The following TENM3 variants were observed in gnomAD, a reference collection of about 807,000 sequenced individuals.
The protein encoded by TENM3 is teneurin transmembrane protein 3, also known as teneurin-3.
TENM3 carries 63 observed loss-of-function variants against 255.1 expected under a neutral mutation model. That is an observed-to-expected ratio of 0.25 (90% CI 0.20 to 0.30). The LOEUF (loss-of-function observed/expected upper bound fraction) is 0.30. Among genes scored for constraint, TENM3 ranks in the 10% least tolerant of loss-of-function variants. The pLI is 1.00. For synonymous variants in TENM3, 1,306 were observed against 1,322.3 expected, an observed-to-expected ratio of 0.99 and a Z score of 0.27; for missense variants, 2,929 against 3,461.1, an observed-to-expected ratio of 0.85 and a Z score of 3.86.
At chr4:181,697,212 G>C in the TENM3 span, among the ~76,000 whole-genome samples, 1 of 152,176 alleles carries the variant, frequency 6.6e-6, no homozygotes. Flanking sequence ...TGAGAGTGGC[G>C]AGTGCCTTGG....
At chr4:181,971,028 G>A in the TENM3 span, among the ~76,000 whole-genome samples, 3 of 152,158 alleles carry the variant, frequency 2.0e-5, no homozygotes, top group Non-Finnish European at 2.9e-5. Flanking sequence ...GCTCACTGCA[G>A]CCTCGAACTC....
intron 3 of TENM3, among the ~76,000 whole-genome samples, chr4:182,505,902 G>A (rs549930010): frequency 1.3e-5 from 2 of 152,256 alleles, no homozygotes; most frequent in African/African-American, 2.4e-5. Flanking sequence ...GACAGGCTTC[G>A]GATTTCTTCC....
chr4:182,046,573 TAATAATAAC>T, the TENM3 span, among the ~76,000 whole-genome samples: 23 of 150,246 alleles, frequency 1.5e-4, no homozygotes, highest in African/African-American at 5.4e-4. Context: ...ATAATAATAA[TAATAATAAC>T]AACCAGGTGT....
At chr4:182,555,634 A>G (rs904769803) in intron 3 of TENM3, among the ~76,000 whole-genome samples, 3 of 152,198 alleles carry the variant, frequency 2.0e-5, no homozygotes, top group Non-Finnish European at 4.4e-5. Context: ...AATAAATACC[A>G]TGTCAAGAAA....
intron 24 of TENM3, among the ~76,000 whole-genome samples, chr4:182,788,890 A>G (rs1765889051): frequency 6.6e-6 from 1 of 152,204 alleles, no homozygotes; most frequent in Non-Finnish European, 1.5e-5. Flanking sequence ...AATGGTTTTG[A>G]ACAAATGCCA....
At chr4:182,027,327 A>G in the TENM3 span, among the ~76,000 whole-genome samples, 18 of 152,224 alleles carry the variant, frequency 1.2e-4, no homozygotes, top group South Asian at 2.1e-3. Flanking sequence ...TTGATTTTGT[A>G]TCCTGCAACT....
rs183407330 is a variant in TENM3 at position 182,740,450 on chromosome 4, T to G, written c.3379+1906T>G. ...TGGCAAACATGCTAGTAGCTGCTCT[T>G]GATGAAATTGTGTAAAATTATATTT... On this transcript the variant is annotated intron_variant, in intron 18 of 27. Coordinates refer to ENST00000511685, the MANE Select transcript of TENM3 (RefSeq NM_001080477.4). 8.5e-4 allele frequency among the ~76,000 whole-genome samples: 130 copies of G among 152,354 alleles called. 1 individual carries two copies. Among genetic ancestry groups the G allele is most frequent in the Non-Finnish European group, 1.5e-3 (101 of 68,034 alleles).
the TENM3 span, among the ~76,000 whole-genome samples, chr4:181,550,324 T>C: frequency 1.3e-5 from 2 of 152,242 alleles, no homozygotes; most frequent in Non-Finnish European, 2.9e-5. Context: ...CAATGACTAG[T>C]ACCACCTACC....
the TENM3 span, among the ~76,000 whole-genome samples, chr4:181,848,467 A>G: frequency 6.6e-6 from 1 of 152,172 alleles, no homozygotes; most frequent in African/African-American, 2.4e-5. Flanking sequence ...CTGCAGTGCA[A>G]TATGAAGGAT....
chr4:181,598,261 C>T, the TENM3 span, among the ~76,000 whole-genome samples: 1 of 152,118 alleles, frequency 6.6e-6, no homozygotes, highest in African/African-American at 2.4e-5. Flanking sequence ...ATTAATATCC[C>T]ATAGTATTTC....
chr4:181,921,547 G>T, the TENM3 span, among the ~76,000 whole-genome samples: 1 of 152,108 alleles, frequency 6.6e-6, no homozygotes, highest in African/African-American at 2.4e-5. Flanking sequence ...TCTGTTATTG[G>T]TGTATAAGAA....
the TENM3 span, among the ~76,000 whole-genome samples, chr4:181,994,565 T>TG: frequency 6.5e-4 from 97 of 150,158 alleles, no homozygotes; most frequent in African/African-American, 2.0e-3. Context: ...TTTTTTTTTT[T>TG]TTTTGTGAAC....
At chr4:181,751,316 A>C in the TENM3 span, among the ~76,000 whole-genome samples, 12 of 152,114 alleles carry the variant, frequency 7.9e-5, no homozygotes, top group African/African-American at 2.9e-4. Flanking sequence ...TTAATTTGGA[A>C]GCCCAAACTA....
At chr4:181,674,295 GC>G in the TENM3 span, among the ~76,000 whole-genome samples, 2 of 152,092 alleles carry the variant, frequency 1.3e-5, no homozygotes, top group African/African-American at 4.8e-5. Context: ...ACTGCACCCA[GC>G]CTAGTGAATT....
At chr4:182,211,566 C>T (rs1755042712) in intron 1 of TENM3, among the ~76,000 whole-genome samples, 1 of 152,110 alleles carries the variant, frequency 6.6e-6, no homozygotes, top group Admixed American at 6.6e-5. Context: ...CGTAAGACTT[C>T]GTAGGCTGTT....
the TENM3 span, among the ~76,000 whole-genome samples, chr4:181,487,500 T>C: frequency 3.3e-5 from 5 of 152,202 alleles, no homozygotes; most frequent in Admixed American, 1.3e-4. Flanking sequence ...ATCTTTTTAC[T>C]GTGTTCTCAC....
intron 3 of TENM3, among the ~76,000 whole-genome samples, chr4:182,359,181 T>G (rs1765778229): frequency 6.6e-6 from 1 of 152,204 alleles, no homozygotes; most frequent in Non-Finnish European, 1.5e-5. Flanking sequence ...TAAACTTCTC[T>G]TTTTTGGTTG....
At chr4:181,477,299 GAGATCTCTTCT>G in the TENM3 span, among the ~76,000 whole-genome samples, 4 of 152,150 alleles carry the variant, frequency 2.6e-5, no homozygotes, top group African/African-American at 9.6e-5. Flanking sequence ...TCTCTTATTT[GAGATCTCTTCT>G]AGCTGTAATT....
rs927936717 is a variant in TENM3 at position 182,273,046 on chromosome 4, T to A, written c.-76+29570T>A. Among the ~76,000 whole-genome samples, 7 of 152,328 alleles carry A rather than the reference T, an allele frequency of 4.6e-5. No homozygotes were observed. The South Asian group carries it at 6.2e-4, about 14-fold the overall frequency. On this transcript the variant is annotated intron_variant, in intron 1 of 27. Coordinates refer to ENST00000511685, the MANE Select transcript of TENM3 (RefSeq NM_001080477.4). ...GGTTGAGGAGAGGAGCGTAACCAGGTGGTCAGTGAAGATGGTTGTAACTGG... is the reference window on the plus strand; with the variant it reads ...GGTTGAGGAGAGGAGCGTAACCAGGAGGTCAGTGAAGATGGTTGTAACTGG...
Sources: allele counts gnomAD v4.1 joint callset (sites outside exome capture counted in the v4.1 genomes callset), GRCh38; gene constraint gnomAD v4.1.1; transcripts MANE v1.5; gene names NCBI Gene and HGNC (gene_info 2026-07-23, HGNC 2026-07-21).